Variants in DOCK4 observed in about 807,000 individuals in gnomAD.
The protein encoded by DOCK4 is dedicator of cytokinesis protein 4.
DOCK4 carries 97 observed loss-of-function variants against 268.1 expected under a neutral mutation model. The ratio of observed to expected loss-of-function variants is 0.36; its 90% CI spans 0.31 to 0.43. The LOEUF (loss-of-function observed/expected upper bound fraction) is 0.43. DOCK4 is among the 20% of genes least tolerant of loss of function. The pLI is 1.00. For synonymous variants in DOCK4, 954 were observed against 887.2 expected (o/e 1.08, Z -1.34); for missense variants, 2,145 against 2,455.7 (o/e 0.87, Z 2.67).
Position 112,050,712 on chromosome 7 carries a change from T to C in DOCK4, c.38-46581A>G, listed in dbSNP as rs145560401. 4.8e-3 allele frequency among the ~76,000 whole-genome samples: 733 copies of C among 152,226 alleles called. 7 individuals are homozygous for C. The highest frequency in any genetic ancestry group is 0.017 in the African/African-American group (700 of 41,576). On this transcript the variant is annotated intron_variant, in intron 1 of 52. Coordinates refer to ENST00000428084, the MANE Select transcript of DOCK4 (RefSeq NM_001363540.2). The stretch of plus-strand genomic sequence containing the variant: ...CTAGCTTCCAGCTTCCAGCTTCCAG[T>C]GTATACTTAACTCTTTCAAAATCAA...
chr7:111,993,191 T>C (rs1206549814), intron 5 of DOCK4, among the ~76,000 whole-genome samples: 1 of 152,222 alleles, frequency 6.6e-6, no homozygotes, highest in African/African-American at 2.4e-5. Flanking sequence ...TAACAGACAA[T>C]AAACACTATC....
chr7:111,844,238 C>T (rs1007003741), intron 25 of DOCK4, among the ~76,000 whole-genome samples: 3 of 152,120 alleles, frequency 2.0e-5, no homozygotes, highest in Non-Finnish European at 2.9e-5. Context: ...ATCACACACT[C>T]GCACTCCAAC....
chr7:112,154,543 C>T (rs1816430466), intron 1 of DOCK4, among the ~76,000 whole-genome samples: 1 of 152,148 alleles, frequency 6.6e-6, no homozygotes, highest in South Asian at 2.1e-4. Context: ...AGACAACTTC[C>T]TTCCCCCTTG....
intron 1 of DOCK4, among the ~76,000 whole-genome samples, chr7:112,039,214 G>C (rs529352889): frequency 6.6e-6 from 1 of 152,066 alleles, no homozygotes; most frequent in Non-Finnish European, 1.5e-5. Context: ...AAGTGATGTC[G>C]GAATTGTCTC....
chr7:111,958,603 G>C (rs1214181734), intron 8 of DOCK4, among the ~76,000 whole-genome samples: 1 of 152,128 alleles, frequency 6.6e-6, no homozygotes, highest in Non-Finnish European at 1.5e-5. Flanking sequence ...GAGACAAGTA[G>C]CTTGAATAAT....
Position 111,863,561 on chromosome 7 carries a change from C to G in DOCK4, c.2284G>C (p.Val762Leu), listed in dbSNP as rs769924073. The change falls in exon 23 of 53, where the codon GTG (valine) becomes CTG (leucine). Residue 762 changes from valine to leucine, a missense_variant. By Grantham distance (32) the Val-to-Leu change is conservative. Coordinates refer to ENST00000428084, the MANE Select transcript of DOCK4 (RefSeq NM_001363540.2). ...ACGGCAGGGAAAGAGCTCAGAAACA[C>G]AGCCTTAAAAAGAAGAAGACATTTA... ...GSGALSQSQA[V>L]FLSSFPAVYS... 1 of 1,597,930 alleles carries G rather than the reference C, an allele frequency of 6.3e-7. No individual in the cohort carries two copies. Among genetic ancestry groups the G allele is most frequent in the Non-Finnish European group, 8.5e-7 (1 of 1,170,114 alleles).
At chr7:111,927,183 C>A (rs181173142) in intron 12 of DOCK4, among the ~76,000 whole-genome samples, 163 of 152,276 alleles carry the variant, frequency 1.1e-3, no homozygotes, top group African/African-American at 3.9e-3. Flanking sequence ...GGATGACTAC[C>A]TTCTAATATG....
At position 112,018,179 on chromosome 7, in the gene DOCK4, A is replaced by AAAAAAAAAAAAACAAC; in HGVS notation, c.38-14049_38-14048insGTTGTTTTTTTTTTTT. 3.7e-4 allele frequency among the ~76,000 whole-genome samples: 27 copies of AAAAAAAAAAAAACAAC among 72,630 alleles called. 4 individuals carry two copies. Among genetic ancestry groups the AAAAAAAAAAAAACAAC allele is most frequent in the East Asian group, 1.6e-3 (4 of 2,480 alleles). The allele number at this position is 72,630 out of a possible 152,430, so 47.6% of individuals were successfully genotyped here. On this transcript the variant is annotated intron_variant, in intron 1 of 52. Transcript: ENST00000428084. Reference sequence around the variant, plus strand: ...AAAAAAAAAAAAAAAAAAAAAAAAAAACACAGGCAACCAGTATTCATGTGG... The same window carrying AAAAAAAAAAAAACAAC: ...AAAAAAAAAAAAAAAAAAAAAAAAAAAAAAAAAAAAAACAACACACAGGCAACCAGTATTCATGTGG...
chr7:112,173,567 T>C (rs559318423), intron 1 of DOCK4, among the ~76,000 whole-genome samples: 1 of 152,126 alleles, frequency 6.6e-6, no homozygotes, highest in Non-Finnish European at 1.5e-5. Context: ...TTCAAAAGGG[T>C]TCCATTGGGA....
intron 1 of DOCK4, among the ~76,000 whole-genome samples, chr7:112,143,373 G>A (rs567884764): frequency 4.6e-5 from 7 of 152,078 alleles, no homozygotes; most frequent in Non-Finnish European, 5.9e-5. Flanking sequence ...ATACGGTCAA[G>A]TATGATTAAC....
At chr7:111,758,940 C>T in intron 40 of DOCK4, 150 bp from the exon 41 acceptor site, 3 of 698,990 alleles carry the variant, frequency 4.3e-6, no homozygotes, top group Non-Finnish European at 7.0e-6. Context: ...AAGAAGACGC[C>T]AGGAACTCAG....
At chr7:111,857,744 C>T (rs1052882749) in intron 23 of DOCK4, among the ~76,000 whole-genome samples, 7 of 151,554 alleles carry the variant, frequency 4.6e-5, no homozygotes, top group African/African-American at 9.7e-5. Flanking sequence ...CTCGCTATCA[C>T]GCCCTAAACT....
rs1049344393 is a variant in DOCK4, at chr7:111,766,932, G to C, written c.3915+100C>G. 79 of 850,288 alleles carry C rather than the reference G, an allele frequency of 9.3e-5. 1 individual carries two copies. The highest frequency in any genetic ancestry group is 2.3e-5 in the Admixed American group (1 of 43,870). 52.7% of individuals were successfully genotyped at this position (850,288 alleles called of 1,614,324 possible). A position where few individuals can be genotyped will look rare whatever the true frequency, so the allele number is the denominator to read the frequency against. ...GCTTCAGAGGATTTATCTTAAAAAG[G>C]GTTTCTGCAAGACCACAAAGTTAAT... On this transcript the variant is annotated intron_variant, in intron 38 of 52. Coordinates refer to ENST00000428084, the MANE Select transcript of DOCK4 (RefSeq NM_001363540.2).
chr7:111,973,609 T>C (rs1442393609), intron 8 of DOCK4, among the ~76,000 whole-genome samples: 2 of 152,042 alleles, frequency 1.3e-5, no homozygotes, highest in Admixed American at 6.6e-5. Context: ...CTGAATCCAA[T>C]GGCAAATGAA....
chr7:111,983,106 A>G (rs1798735056), intron 7 of DOCK4, among the ~76,000 whole-genome samples: 1 of 152,192 alleles, frequency 6.6e-6, no homozygotes, highest in Non-Finnish European at 1.5e-5. Flanking sequence ...ATATACAATT[A>G]AGAATATCCC....
intron 8 of DOCK4, among the ~76,000 whole-genome samples, chr7:111,964,148 C>T (rs373307938): frequency 2.8e-4 from 41 of 146,950 alleles, no homozygotes; most frequent in African/African-American, 5.8e-4. Flanking sequence ...AAACGCAGAG[C>T]GCCTCTCCTC....
chr7:111,787,446 A>G (rs1220428271), intron 32 of DOCK4, among the ~76,000 whole-genome samples: 5 of 152,214 alleles, frequency 3.3e-5, no homozygotes, highest in African/African-American at 1.2e-4. Context: ...TCATTTAATT[A>G]CCATATCAGA....
chr7:111,884,299 C>T (rs994988352), intron 16 of DOCK4, among the ~76,000 whole-genome samples: 15 of 152,180 alleles, frequency 9.9e-5, no homozygotes, highest in African/African-American at 3.1e-4. Flanking sequence ...ATATTCTCTT[C>T]TCACACAATC....
chr7:111,735,479 G>A (rs1249794794), intron 50 of DOCK4, among the ~76,000 whole-genome samples: 2 of 152,172 alleles, frequency 1.3e-5, no homozygotes, highest in Non-Finnish European at 2.9e-5. Context: ...GATGGAAGAT[G>A]TAGTCACTGG....
Sources: allele counts gnomAD v4.1 joint callset (sites outside exome capture counted in the v4.1 genomes callset), GRCh38; gene constraint gnomAD v4.1.1; transcripts MANE v1.5; gene names NCBI Gene and HGNC (gene_info 2026-07-23, HGNC 2026-07-21).